The following NUP153 variants were observed in gnomAD, a reference collection of about 807,000 sequenced individuals.
NUP153 encodes the protein nucleoporin 153, also known as nuclear pore complex protein Nup153.
NUP153 carries 27 observed loss-of-function variants against 134.6 expected under a neutral mutation model. The observed-to-expected ratio is 0.20, with a 90% CI of 0.15 to 0.28. The LOEUF (loss-of-function observed/expected upper bound fraction) is 0.28. Ranked by LOEUF, NUP153 falls within the 10% of genes least tolerant of loss-of-function variation. The pLI, the probability that NUP153 is intolerant of heterozygous loss-of-function variation, is 1.00. For missense variants in NUP153, 1,821 were observed against 1,731.3 expected (o/e 1.05, Z -0.92); for synonymous variants, 640 against 623.5 (o/e 1.03, Z -0.40).
intron 9 of NUP153, among the ~76,000 whole-genome samples, chr6:17,663,388 T>C (rs1039944492): frequency 3.3e-5 from 5 of 152,010 alleles, no homozygotes; most frequent in Admixed American, 2.6e-4. Flanking sequence ...CGCAACCTCC[T>C]GCCTTGCTAG....
intron 16 of NUP153, among the ~76,000 whole-genome samples, chr6:17,635,474 T>C (rs1271008352): frequency 3.9e-5 from 6 of 152,128 alleles, no homozygotes; most frequent in African/African-American, 1.2e-4. Flanking sequence ...TGATCTCAGG[T>C]AACTGCAACC....
chr6:17,617,317 C>T (rs147064942), intron 20 of NUP153, among the ~76,000 whole-genome samples: 8 of 151,948 alleles, frequency 5.3e-5, no homozygotes, highest in African/African-American at 1.9e-4. Flanking sequence ...GGGATTTTTA[C>T]AAAGATATAG....
chr6:17,636,857 C>T (rs963868793), intron 16 of NUP153, among the ~76,000 whole-genome samples: 3 of 152,050 alleles, frequency 2.0e-5, no homozygotes, highest in Admixed American at 2.0e-4. Context: ...GAAATATTAC[C>T]CCATTCTAAG....
At chr6:17,618,678 G>C (rs1764472019) in intron 20 of NUP153, among the ~76,000 whole-genome samples, 1 of 151,282 alleles carries the variant, frequency 6.6e-6, no homozygotes, top group South Asian at 2.1e-4. Context: ...CCATTCTCCT[G>C]CCTCAGTCTC....
intron 1 of NUP153, among the ~76,000 whole-genome samples, chr6:17,689,214 C>A (rs2113851308): frequency 6.6e-6 from 1 of 150,546 alleles, no homozygotes; most frequent in Non-Finnish European, 1.5e-5. Context: ...GGAGAAACCC[C>A]ATCTCTACTA....
chr6:17,698,662 C>T (rs1038119501), intron 1 of NUP153, among the ~76,000 whole-genome samples: 5 of 149,756 alleles, frequency 3.3e-5, no homozygotes, highest in Admixed American at 2.7e-4. Context: ...GGCGTGAACC[C>T]GGGAGGCAGA....
Position 17,628,980 on chromosome 6 carries a change from T to C in NUP153, c.3219A>G (p.Glu1073=). The change falls in exon 18 of 22, where the codon GAA becomes GAG. Residue 1073 remains glutamate, a synonymous_variant. Coordinates refer to ENST00000262077, the MANE Select transcript of NUP153 (RefSeq NM_005124.4). The surrounding 1 kb of genome is among the most constrained non-coding windows in gnomAD (Gnocchi z 5.4). ...ATCCTCCTTTGGTGGCAGGCATTTC[T>C]TCTTTTTTAGCTTCTGATGTCTTAC... ...FTCKTSEAKK[E]EMPATKGGFS... 1 of 1,614,134 alleles carries C rather than the reference T, an allele frequency of 6.2e-7. No individual in the cohort carries two copies. The highest frequency in any genetic ancestry group is 8.5e-7 in the Non-Finnish European group (1 of 1,180,022).
At chr6:17,631,953 A>G (rs1765276328) in intron 17 of NUP153, among the ~76,000 whole-genome samples, 1 of 151,612 alleles carries the variant, frequency 6.6e-6, no homozygotes. Flanking sequence ...GCGACAGAGC[A>G]AGACACCATC....
chr6:17,635,461 G>A (rs1007816374), intron 16 of NUP153, among the ~76,000 whole-genome samples: 7 of 152,254 alleles, frequency 4.6e-5, no homozygotes, highest in East Asian at 1.9e-4. Context: ...AAGCGCAGTA[G>A]CATGATCTCA....
At chr6:17,686,519 C>T (rs923670657) in intron 2 of NUP153, among the ~76,000 whole-genome samples, 5 of 151,612 alleles carry the variant, frequency 3.3e-5, no homozygotes, top group Admixed American at 2.0e-4. Flanking sequence ...CCTCAGCCTC[C>T]GGAGTAGCTG....
At chr6:17,637,047 A>G in intron 16 of NUP153, 106 bp downstream of exon 16, 2 of 1,117,754 alleles carry the variant, frequency 1.8e-6, no homozygotes. Flanking sequence ...ATTAATATGT[A>G]TGAGAAATGC....
chr6:17,663,778 G>A (rs562815467), intron 9 of NUP153, among the ~76,000 whole-genome samples: 1 of 152,168 alleles, frequency 6.6e-6, no homozygotes, highest in African/African-American at 2.4e-5. Flanking sequence ...AAGGTGTTAA[G>A]TAAACAAAAT....
At chr6:17,624,863 C>A (rs1290240377) in intron 19 of NUP153, 30 bp from the exon 20 acceptor site, 3 of 1,531,058 alleles carry the variant, frequency 2.0e-6, no homozygotes, top group Non-Finnish European at 2.6e-6. Flanking sequence ...CTTAAGTCAC[C>A]ATGGTGGCTA....
At chr6:17,640,134 ATCTT>A in intron 14 of NUP153, 70 bp from the exon 15 acceptor site, 1 of 1,215,764 alleles carries the variant, frequency 8.2e-7, no homozygotes, top group East Asian at 2.6e-5. Context: ...ATTTTTAAAA[ATCTT>A]TCAAAACCAT....
intron 16 of NUP153, among the ~76,000 whole-genome samples, chr6:17,633,830 C>A (rs553271186): frequency 6.6e-6 from 1 of 152,230 alleles, no homozygotes; most frequent in East Asian, 1.9e-4. Context: ...TAGGTATGTT[C>A]TCTTCCATCT....
At chr6:17,701,554 C>T (rs1770074318) in intron 1 of NUP153, among the ~76,000 whole-genome samples, 1 of 148,896 alleles carries the variant, frequency 6.7e-6, no homozygotes, top group Non-Finnish European at 1.5e-5. Flanking sequence ...CCCAGCTACT[C>T]GGGAGGCTGA....
intron 5 of NUP153, among the ~76,000 whole-genome samples, chr6:17,673,431 A>C (rs192203515): frequency 1.1e-4 from 16 of 152,322 alleles, no homozygotes; most frequent in African/African-American, 3.8e-4. Context: ...ATATTCGCAA[A>C]ACATATAACA....
At chr6:17,704,669 CACAATTTTTACTACTCA>C (rs1770357919) in intron 1 of NUP153, among the ~76,000 whole-genome samples, 1 of 151,606 alleles carries the variant, frequency 6.6e-6, no homozygotes, top group Non-Finnish European at 1.5e-5. Flanking sequence ...ATACCTGAAC[CACAATTTTTACTACTCA>C]AACATTTCCC....
chr6:17,661,878 A>C, intron 10 of NUP153, 99 bp from the exon 11 acceptor site: 3 of 1,291,806 alleles, frequency 2.3e-6, no homozygotes, highest in Non-Finnish European at 2.2e-6. Context: ...TATACAGCTG[A>C]ACGTGATTCT....
Sources: allele counts gnomAD v4.1 joint callset (sites outside exome capture counted in the v4.1 genomes callset), GRCh38; gene constraint gnomAD v4.1.1; non-coding constraint Gnocchi (gnomAD v3.1); transcripts MANE v1.5; gene names NCBI Gene and HGNC (gene_info 2026-07-23, HGNC 2026-07-21).